Variants in ICA1 observed in about 807,000 individuals in gnomAD.
The protein encoded by ICA1 is islet cell autoantigen 1, also known as 69 kDa islet cell autoantigen.
ICA1 carries 40 observed loss-of-function variants against 71.0 expected under a neutral mutation model. That is an observed-to-expected ratio of 0.56 (90% CI 0.44 to 0.73). ICA1 has a LOEUF of 0.73. Ranked by LOEUF, ICA1 falls within the 30% of genes least tolerant of loss-of-function variation. ICA1 has a pLI of 0.00. For synonymous variants in ICA1, 207 were observed against 209.5 expected, an observed-to-expected ratio of 0.99 and a Z score of 0.10; for missense variants, 578 against 576.5, an observed-to-expected ratio of 1.00 and a Z score of -0.03.
intron 6 of ICA1, among the ~76,000 whole-genome samples, chr7:8,165,535 CAAGAA>C (rs955463428): frequency 8.3e-4 from 126 of 152,182 alleles, no homozygotes; most frequent in African/African-American, 2.8e-3. Flanking sequence ...AGCCATGAGG[CAAGAA>C]AAGAAAGAAA....
intron 6 of ICA1, among the ~76,000 whole-genome samples, chr7:8,166,150 T>C (rs1805873180): frequency 6.6e-6 from 1 of 152,162 alleles, no homozygotes; most frequent in South Asian, 2.1e-4. Context: ...CAAAACAGCA[T>C]ATTGGTGTTA....
intron 6 of ICA1, among the ~76,000 whole-genome samples, chr7:8,177,325 AT>A (rs912630677): frequency 5.3e-5 from 8 of 150,358 alleles, no homozygotes; most frequent in African/African-American, 2.0e-4. Flanking sequence ...CAGCTGGTGA[AT>A]TTTTTTTTTC....
At chr7:8,140,797 G>A (rs1794950417) in intron 10 of ICA1, among the ~76,000 whole-genome samples, 1 of 152,222 alleles carries the variant, frequency 6.6e-6, no homozygotes, top group African/African-American at 2.4e-5. Flanking sequence ...GTTGTTGAAA[G>A]GCAGATAGGA....
chr7:8,135,203 T>G (rs1285318628), intron 12 of ICA1, among the ~76,000 whole-genome samples: 2 of 152,020 alleles, frequency 1.3e-5, no homozygotes, highest in Non-Finnish European at 2.9e-5. Flanking sequence ...ATTTTTGGAT[T>G]TTTAGTAGAG....
At chr7:8,152,631 A>G (rs1799382917) in intron 8 of ICA1, among the ~76,000 whole-genome samples, 1 of 140,298 alleles carries the variant, frequency 7.1e-6, no homozygotes, top group African/African-American at 2.6e-5. Context: ...TTCCACCACT[A>G]CCACCATCTC....
At chr7:8,120,850 T>G (rs1406783258) in intron 13 of ICA1, among the ~76,000 whole-genome samples, 1 of 152,150 alleles carries the variant, frequency 6.6e-6, no homozygotes, top group African/African-American at 2.4e-5. Context: ...AGCTGCGCTT[T>G]GCCATGGGTG....
At chr7:8,166,968 C>CA (rs1806226127) in intron 6 of ICA1, among the ~76,000 whole-genome samples, 1 of 151,960 alleles carries the variant, frequency 6.6e-6, no homozygotes, top group African/African-American at 2.4e-5. Context: ...ATTAAAAAGT[C>CA]AAAAAATGAC....
intron 1 of ICA1, among the ~76,000 whole-genome samples, chr7:8,238,198 T>C (rs1341495037): frequency 3.3e-5 from 5 of 152,208 alleles, no homozygotes; most frequent in Non-Finnish European, 1.5e-5. Flanking sequence ...AGTTCTCTAC[T>C]TAATTTTTTG....
At chr7:8,158,724 C>T (rs1802631642) in intron 6 of ICA1, 72 bp from the exon 7 acceptor site, 1 of 1,448,400 alleles carries the variant, frequency 6.9e-7, no homozygotes, top group South Asian at 1.2e-5. Context: ...TGAAATGAGA[C>T]CAACAGCAGG....
At chr7:8,137,836 T>C (rs543705282) in intron 12 of ICA1, among the ~76,000 whole-genome samples, 2 of 152,222 alleles carry the variant, frequency 1.3e-5, no homozygotes, top group Non-Finnish European at 2.9e-5. Flanking sequence ...TTAACCAATG[T>C]CCTCTGTCTT....
At chr7:8,148,250 C>T (rs6957995) in intron 8 of ICA1, among the ~76,000 whole-genome samples, 2 of 152,048 alleles carry the variant, frequency 1.3e-5, no homozygotes, top group South Asian at 4.2e-4. Flanking sequence ...GGTGAGCCCA[C>T]GGTATTTGTG....
At chr7:8,249,486 G>T (rs2128519866) in intron 1 of ICA1, among the ~76,000 whole-genome samples, 1 of 152,342 alleles carries the variant, frequency 6.6e-6, no homozygotes, top group East Asian at 1.9e-4. Context: ...AGCCATTGGA[G>T]GATGGACATT....
rs1801225817 is a variant in ICA1 at position 8,234,464 on chromosome 7, C to T, written c.17+1446G>A. On this transcript the variant is annotated intron_variant, in intron 2 of 13. Transcript: ENST00000402384. The surrounding 1 kb of genome is among the most constrained non-coding windows in gnomAD (Gnocchi z 4.5). ...TTTCCTCTACCCCATCCCATCACCACCCAAAATGTGCCAGGCTTGTGCTGA... is the reference window on the plus strand; with the variant it reads ...TTTCCTCTACCCCATCCCATCACCATCCAAAATGTGCCAGGCTTGTGCTGA... Among the ~76,000 whole-genome samples, 1 of 152,058 alleles carries T rather than the reference C, an allele frequency of 6.6e-6. No homozygotes were observed. Among genetic ancestry groups the T allele is most frequent in the Non-Finnish European group, 1.5e-5 (1 of 68,022 alleles).
intron 6 of ICA1, among the ~76,000 whole-genome samples, chr7:8,193,334 A>T (rs1786347995): frequency 6.6e-6 from 1 of 152,204 alleles, no homozygotes; most frequent in African/African-American, 2.4e-5. Flanking sequence ...ATTTGAATCC[A>T]ATACCGCAGA....
At chr7:8,196,783 G>T (rs545463628) in intron 6 of ICA1, among the ~76,000 whole-genome samples, 1 of 152,164 alleles carries the variant, frequency 6.6e-6, no homozygotes, top group Admixed American at 6.5e-5. Context: ...TTGAATTGTA[G>T]TAATTCAATT....
intron 13 of ICA1, among the ~76,000 whole-genome samples, chr7:8,114,616 C>T (rs1295390279): frequency 6.6e-6 from 1 of 152,172 alleles, no homozygotes; most frequent in Admixed American, 6.5e-5. Flanking sequence ...TTCCCTTCTC[C>T]CAGGGGGTCA....
chr7:8,246,252 T>C (rs1805967592), intron 1 of ICA1, among the ~76,000 whole-genome samples: 1 of 152,200 alleles, frequency 6.6e-6, no homozygotes, highest in African/African-American at 2.4e-5. Context: ...AATGTTTGTG[T>C]TTCACAGTTA....
intron 6 of ICA1, among the ~76,000 whole-genome samples, chr7:8,161,676 G>A (rs1803878295): frequency 6.6e-6 from 1 of 152,168 alleles, no homozygotes; most frequent in Admixed American, 6.5e-5. Flanking sequence ...GAGGAGGAGA[G>A]ACCAGTTGTC....
rs143174712 is a variant in ICA1 at position 8,194,377 on chromosome 7, A to G, written c.579+23928T>C. Among the ~76,000 whole-genome samples the G allele has an allele frequency of 5.3e-5, 8 of 152,370 alleles. No homozygotes were observed. The East Asian group carries it at 1.5e-3, about 29-fold the overall frequency. On this transcript the variant is annotated intron_variant, in intron 6 of 13. Transcript: ENST00000402384. ...ACAAAAGTTCATGTTTATTTATAAAATAAAAGACGTTAACATCTTGTTTTC... is the reference window on the plus strand; with the variant it reads ...ACAAAAGTTCATGTTTATTTATAAAGTAAAAGACGTTAACATCTTGTTTTC...
Sources: gnomAD v4.1 joint callset for allele counts (sites outside exome capture counted in the v4.1 genomes callset) on GRCh38, gnomAD v4.1.1 for gene constraint, Gnocchi (gnomAD v3.1) non-coding constraint, MANE v1.5 for transcripts, NCBI Gene and HGNC (gene_info 2026-07-23, HGNC 2026-07-21) for gene names.